FOXN3: variants seen among roughly 807,000 people sequenced by gnomAD.
FOXN3 encodes forkhead box protein N3.
Under a neutral mutation model 38.4 loss-of-function variants are expected in FOXN3, and 7 were observed. The observed-to-expected ratio is 0.18, with a 90% CI of 0.10 to 0.34. FOXN3 has a LOEUF of 0.34. Among genes scored for constraint, FOXN3 ranks in the 10% least tolerant of loss-of-function variants. FOXN3 has a pLI of 1.00. For synonymous variants in FOXN3, 230 were observed against 242.2 expected (o/e 0.95, Z 0.47); for missense variants, 456 against 613.4 (o/e 0.74, Z 2.71).
intron 3 of FOXN3, among the ~76,000 whole-genome samples, chr14:89,331,097 T>C (rs1024036690): frequency 1.6e-4 from 24 of 152,224 alleles, no homozygotes; most frequent in Non-Finnish European, 2.9e-5. Flanking sequence ...GTACATACAG[T>C]TCAGTGGCAT....
At chr14:89,564,495 G>A (rs1895310092) in intron 1 of FOXN3, among the ~76,000 whole-genome samples, 2 of 152,086 alleles carry the variant, frequency 1.3e-5, no homozygotes, top group Non-Finnish European at 2.9e-5. Flanking sequence ...AATAATACAT[G>A]GACGGGACTC....
intron 3 of FOXN3, among the ~76,000 whole-genome samples, chr14:89,316,731 T>C (rs755648807): frequency 3.3e-5 from 5 of 151,392 alleles, no homozygotes; most frequent in African/African-American, 4.9e-5. Flanking sequence ...AATGGTGCGA[T>C]CTTGGCTCAC....
intron 3 of FOXN3, among the ~76,000 whole-genome samples, chr14:89,311,376 G>C (rs544911865): frequency 6.8e-6 from 1 of 146,076 alleles, no homozygotes; most frequent in African/African-American, 2.5e-5. Flanking sequence ...GGAGGCTGAG[G>C]CAGGAGAATC....
chr14:89,416,721 G>A (rs1891742151), intron 1 of FOXN3, 150 bp downstream of exon 1: 1 of 152,246 alleles, frequency 6.6e-6, no homozygotes, highest in Non-Finnish European at 1.5e-5. Flanking sequence ...GGCTCCCGGG[G>A]TCCACACCCG....
intron 3 of FOXN3, among the ~76,000 whole-genome samples, chr14:89,281,841 C>T (rs910137405): frequency 3.3e-5 from 5 of 152,090 alleles, no homozygotes; most frequent in African/African-American, 9.7e-5. Flanking sequence ...CTACATCCAG[C>T]CCAAGAGGCA....
intron 3 of FOXN3, among the ~76,000 whole-genome samples, chr14:89,347,617 G>A (rs1423672382): frequency 6.6e-6 from 1 of 152,244 alleles, no homozygotes; most frequent in Non-Finnish European, 1.5e-5. Context: ...CAAAGCAGGT[G>A]TGGAAGAACA....
At chr14:89,608,180 C>CCCATCCTGTTAG (rs1896313383) in intron 1 of FOXN3, among the ~76,000 whole-genome samples, 1 of 140,818 alleles carries the variant, frequency 7.1e-6, no homozygotes, top group Admixed American at 7.4e-5. Flanking sequence ...GGGGTTTCAC[C>CCCATCCTGTTAG]CCATCCTGTT....
chr14:89,251,906 C>T (rs936581110), intron 4 of FOXN3, among the ~76,000 whole-genome samples: 2 of 152,210 alleles, frequency 1.3e-5, no homozygotes, highest in East Asian at 1.9e-4. Context: ...CATGCTCAAC[C>T]TTATATAACA....
intron 1 of FOXN3, among the ~76,000 whole-genome samples, chr14:89,512,529 A>G (rs546775354): frequency 1.3e-5 from 2 of 152,364 alleles, no homozygotes; most frequent in East Asian, 3.9e-4. Flanking sequence ...GAGTTATTCT[A>G]GTAAGGTTTG....
intron 4 of FOXN3, among the ~76,000 whole-genome samples, chr14:89,261,821 G>A (rs750341596): frequency 4.6e-5 from 7 of 152,184 alleles, no homozygotes; most frequent in Non-Finnish European, 7.3e-5. Flanking sequence ...CCAGCTAGTC[G>A]GGAGGCTGAG....
rs1017932923 is a variant in FOXN3 at position 89,280,427 on chromosome 14, G to A, written c.745+523C>T. ...GTCCCCTGTAGGTGACACTTGTGGG[G>A]ACCAATGTAGGGTGACTGGACTCCG... On this transcript the variant is annotated intron_variant, in intron 4 of 5. Transcript: ENST00000557258. 2.0e-5 allele frequency among the ~76,000 whole-genome samples: 3 copies of A among 152,058 alleles called. No homozygotes were observed. In the South Asian group the frequency reaches 6.2e-4, roughly 32 times the overall value.
chr14:89,243,017 C>A (rs1035580648), intron 4 of FOXN3, among the ~76,000 whole-genome samples: 2 of 152,134 alleles, frequency 1.3e-5, no homozygotes, highest in Admixed American at 6.5e-5. Context: ...AGTCCTGCCC[C>A]CTGATGGGAG....
chr14:89,567,806 T>C (rs954431176), intron 1 of FOXN3, among the ~76,000 whole-genome samples: 2 of 149,382 alleles, frequency 1.3e-5, no homozygotes, highest in African/African-American at 5.0e-5. Flanking sequence ...CACTGCAAGC[T>C]CTGCCTCCCG....
At chr14:89,328,695 A>G (rs1888150078) in intron 3 of FOXN3, among the ~76,000 whole-genome samples, 1 of 152,234 alleles carries the variant, frequency 6.6e-6, no homozygotes, top group South Asian at 2.1e-4. Context: ...ACAGCCTCAA[A>G]GGGAAACGGA....
At chr14:89,547,943 T>C (rs1233501491) in intron 1 of FOXN3, among the ~76,000 whole-genome samples, 1 of 152,194 alleles carries the variant, frequency 6.6e-6, no homozygotes, top group Non-Finnish European at 1.5e-5. Flanking sequence ...ATTCTGAAGC[T>C]AGTTATCTCC....
chr14:89,359,588 G>C (rs554373751), intron 2 of FOXN3, among the ~76,000 whole-genome samples: 3 of 152,340 alleles, frequency 2.0e-5, no homozygotes, highest in Non-Finnish European at 4.4e-5. Flanking sequence ...CAAAGAGCCA[G>C]CCACTGGAGT....
At chr14:89,366,745 T>G (rs1890171149) in intron 2 of FOXN3, among the ~76,000 whole-genome samples, 1 of 152,198 alleles carries the variant, frequency 6.6e-6, no homozygotes, top group Non-Finnish European at 1.5e-5. Flanking sequence ...CCACTTTCTT[T>G]AAGGTGATTT....
intron 4 of FOXN3, among the ~76,000 whole-genome samples, chr14:89,280,416 A>G (rs539063524): frequency 2.0e-5 from 3 of 152,258 alleles, no homozygotes; most frequent in South Asian, 2.1e-4. Context: ...CCTGTAGGTG[A>G]CACTTGTGGG....
chr14:89,265,608 T>A (rs1253028261), intron 4 of FOXN3, among the ~76,000 whole-genome samples: 1 of 152,140 alleles, frequency 6.6e-6, no homozygotes, highest in Non-Finnish European at 1.5e-5. Flanking sequence ...CCAGGGTTAA[T>A]GCCTAAAAGA....
Sources: gnomAD v4.1 joint callset for allele counts (sites outside exome capture counted in the v4.1 genomes callset) on GRCh38, gnomAD v4.1.1 for gene constraint, MANE v1.5 for transcripts, NCBI Gene and HGNC (gene_info 2026-07-23, HGNC 2026-07-21) for gene names.